UBE2E2: variants seen among roughly 807,000 people sequenced by gnomAD.
UBE2E2 encodes the protein ubiquitin-conjugating enzyme E2 E2.
Under a neutral mutation model 24.7 loss-of-function variants are expected in UBE2E2, and 6 were observed. The observed-to-expected ratio is 0.24, with a 90% confidence interval of 0.13 to 0.48. The LOEUF is 0.48. UBE2E2 is among the 20% of genes least tolerant of loss of function. The pLI, the probability that UBE2E2 is intolerant of heterozygous loss-of-function variation, is 0.99. For missense variants in UBE2E2, 169 were observed against 245.0 expected, an observed-to-expected ratio of 0.69 and a Z score of 2.07; for synonymous variants, 104 against 83.6, an observed-to-expected ratio of 1.24 and a Z score of -1.33.
At position 23,498,448 on chromosome 3, in the gene UBE2E2, C is replaced by T. The variant is rs548095786; in HGVS notation, c.228-1160C>T. On this transcript the variant is annotated intron_variant, in intron 3 of 5. Transcript: ENST00000396703. Reference sequence around the variant, plus strand: ...CGAAAAAATTTTAAAATCAACTTGTCGAGTTTTGGTTTTAAAAAGCAGTTG... The same window carrying T: ...CGAAAAAATTTTAAAATCAACTTGTTGAGTTTTGGTTTTAAAAAGCAGTTG... 1.3e-4 allele frequency among the ~76,000 whole-genome samples: 20 copies of T among 152,156 alleles called. No homozygotes were observed. In the East Asian group the frequency reaches 2.3e-3, roughly 18 times the overall value.
intron 3 of UBE2E2, among the ~76,000 whole-genome samples, chr3:23,397,794 G>GTTTT (rs1697114420): frequency 1.3e-5 from 2 of 152,002 alleles, no homozygotes; most frequent in Non-Finnish European, 2.9e-5. Flanking sequence ...TAATATAATG[G>GTTTT]TTTTTTTAAG....
chr3:23,206,042 G>A (rs572681077), intron 1 of UBE2E2, among the ~76,000 whole-genome samples: 35 of 152,270 alleles, frequency 2.3e-4, no homozygotes, highest in African/African-American at 7.7e-4. Flanking sequence ...TGCATCCTCA[G>A]TATAGAGAAT....
At chr3:23,349,309 G>C (rs1036524611) in intron 3 of UBE2E2, among the ~76,000 whole-genome samples, 1 of 152,230 alleles carries the variant, frequency 6.6e-6, no homozygotes, top group Non-Finnish European at 1.5e-5. Flanking sequence ...GAGTGACGCA[G>C]AAGACGGGTG....
chr3:23,261,085 A>T (rs1192755446), intron 3 of UBE2E2, among the ~76,000 whole-genome samples: 9 of 152,160 alleles, frequency 5.9e-5, no homozygotes, highest in Admixed American at 2.0e-4. Context: ...CCTGGGTGAC[A>T]GAGCAAGAAC....
intron 3 of UBE2E2, among the ~76,000 whole-genome samples, chr3:23,230,422 A>G (rs1255057077): frequency 1.3e-5 from 2 of 152,194 alleles, no homozygotes; most frequent in South Asian, 4.1e-4. Flanking sequence ...CATTTTATAA[A>G]CTTAGAGAAT....
chr3:23,579,138 A>T (rs182147825), intron 5 of UBE2E2, among the ~76,000 whole-genome samples: 11 of 152,268 alleles, frequency 7.2e-5, no homozygotes, highest in Admixed American at 6.5e-4. Flanking sequence ...CATGCCTATA[A>T]TCCCAGCACT....
At chr3:23,479,152 T>A (rs1699200179) in intron 3 of UBE2E2, among the ~76,000 whole-genome samples, 2 of 152,198 alleles carry the variant, frequency 1.3e-5, no homozygotes. Context: ...TGGCCTGGAA[T>A]CAGCTGTGCT....
intron 2 of UBE2E2, among the ~76,000 whole-genome samples, chr3:23,212,425 A>C (rs937882429): frequency 7.2e-5 from 11 of 152,186 alleles, no homozygotes; most frequent in Non-Finnish European, 1.5e-4. Context: ...TAAATTGACT[A>C]GTCAGTTCAA....
intron 3 of UBE2E2, among the ~76,000 whole-genome samples, chr3:23,352,643 A>G (rs1370449122): frequency 6.6e-6 from 1 of 152,220 alleles, no homozygotes; most frequent in Non-Finnish European, 1.5e-5. Flanking sequence ...GAAGAAATGG[A>G]TAAATTCCTC....
At chr3:23,332,470 T>G (rs17013023) in intron 3 of UBE2E2, among the ~76,000 whole-genome samples, 4,451 of 152,266 alleles carry the variant, frequency 0.029, 117 homozygotes, top group East Asian at 0.13. Flanking sequence ...ATGGCAATTA[T>G]TAAAATAAAG....
chr3:23,501,050 C>T (rs931113756), intron 4 of UBE2E2, among the ~76,000 whole-genome samples: 7 of 151,942 alleles, frequency 4.6e-5, no homozygotes, highest in African/African-American at 1.7e-4. Flanking sequence ...TGGATGGGAC[C>T]CTTATACCTT....
chr3:23,585,065 G>A (rs931251453), intron 5 of UBE2E2, among the ~76,000 whole-genome samples: 11 of 151,982 alleles, frequency 7.2e-5, no homozygotes, highest in African/African-American at 2.7e-4. Context: ...TTTATGACTG[G>A]TATTTTGTTA....
intron 3 of UBE2E2, among the ~76,000 whole-genome samples, chr3:23,288,675 T>G (rs1267732199): frequency 2.0e-5 from 3 of 152,228 alleles, no homozygotes; most frequent in African/African-American, 7.2e-5. Context: ...CTTCATTGTC[T>G]CTTTATAGTT....
chr3:23,443,107 T>TA, intron 3 of UBE2E2, among the ~76,000 whole-genome samples: 1 of 152,294 alleles, frequency 6.6e-6, no homozygotes, highest in Middle Eastern at 3.4e-3. Context: ...TCGTGGCCAT[T>TA]AATGGACCAA....
chr3:23,492,819 A>T (rs1310292291), intron 3 of UBE2E2, among the ~76,000 whole-genome samples: 1 of 152,204 alleles, frequency 6.6e-6, no homozygotes, highest in African/African-American at 2.4e-5. Context: ...CATGATGTAG[A>T]AATATAGTGT....
chr3:23,543,295 G>T (rs1026948376), intron 5 of UBE2E2, among the ~76,000 whole-genome samples: 6 of 152,094 alleles, frequency 3.9e-5, no homozygotes, highest in Non-Finnish European at 5.9e-5. Context: ...TGATGTGATC[G>T]TATACCTAGA....
At chr3:23,258,616 G>A (rs948626086) in intron 3 of UBE2E2, among the ~76,000 whole-genome samples, 2 of 152,090 alleles carry the variant, frequency 1.3e-5, no homozygotes, top group African/African-American at 2.4e-5. Context: ...AATCTAGGTC[G>A]GGTGTGGTGG....
intron 3 of UBE2E2, among the ~76,000 whole-genome samples, chr3:23,463,931 T>A (rs1698867656): frequency 6.6e-6 from 1 of 152,190 alleles, no homozygotes; most frequent in African/African-American, 2.4e-5. Flanking sequence ...TTAAAGATCA[T>A]AATGTTCTTA....
At chr3:23,319,705 C>A (rs570263615) in intron 3 of UBE2E2, among the ~76,000 whole-genome samples, 1 of 144,422 alleles carries the variant, frequency 6.9e-6, no homozygotes, top group South Asian at 2.1e-4. Context: ...GTCCTAGCTA[C>A]TTTTGAGGCT....
Sources: gnomAD v4.1 joint callset for allele counts (sites outside exome capture counted in the v4.1 genomes callset) on GRCh38, gnomAD v4.1.1 for gene constraint, MANE v1.5 for transcripts, NCBI Gene and HGNC (gene_info 2026-07-23, HGNC 2026-07-21) for gene names.